Variants in MCTP1 observed in about 807,000 individuals in gnomAD.
MCTP1 encodes multiple C2 and transmembrane domain-containing protein 1.
A neutral mutation model predicts 120.6 loss-of-function variants in MCTP1; 69 were observed. That is an observed-to-expected ratio of 0.57 (90% CI 0.47 to 0.70). MCTP1 has a LOEUF of 0.70. Among genes scored for constraint, MCTP1 ranks in the 30% least tolerant of loss-of-function variants. The probability of loss-of-function intolerance (pLI) is 0.00; values close to 1 mark genes in which losing one functional copy is unlikely to be tolerated. For synonymous variants in MCTP1, 529 were observed against 493.1 expected (o/e 1.07, Z -0.96); for missense variants, 1,203 against 1,248.8 (o/e 0.96, Z 0.55).
intron 7 of MCTP1, among the ~76,000 whole-genome samples, chr5:94,919,500 A>G (rs1810999206): frequency 6.6e-6 from 1 of 152,328 alleles, no homozygotes; most frequent in Non-Finnish European, 1.5e-5. Context: ...TTACCTGTGT[A>G]CAACCTAATC....
intron 1 of MCTP1, among the ~76,000 whole-genome samples, chr5:95,281,359 A>G (rs1188621188): frequency 6.6e-6 from 1 of 152,146 alleles, no homozygotes; most frequent in Non-Finnish European, 1.5e-5. Context: ...CCTCTTTCCC[A>G]TTCAGAGGTG....
chr5:95,244,100 G>A (rs893969903), intron 1 of MCTP1, among the ~76,000 whole-genome samples: 4 of 152,172 alleles, frequency 2.6e-5, no homozygotes, highest in African/African-American at 9.7e-5. Context: ...AGTCTCCTAA[G>A]GATAATGCCT....
intron 19 of MCTP1, 92 bp from the exon 20 acceptor site, chr5:94,714,978 TTAAA>T (rs1307920107): frequency 2.1e-5 from 16 of 753,498 alleles, no homozygotes; most frequent in African/African-American, 3.5e-5. Context: ...ATTTTTAAAC[TTAAA>T]TAAACTTCAT....
At chr5:95,047,655 T>TA (rs1744901424) in intron 1 of MCTP1, among the ~76,000 whole-genome samples, 2 of 152,156 alleles carry the variant, frequency 1.3e-5, no homozygotes, top group Admixed American at 6.5e-5. Context: ...CCTATGAAGT[T>TA]AAAAAATGGT....
intron 17 of MCTP1, among the ~76,000 whole-genome samples, chr5:94,814,756 GA>G (rs559901933): frequency 1.2e-4 from 18 of 147,938 alleles, no homozygotes; most frequent in East Asian, 1.2e-3. Context: ...CATGCAGAAA[GA>G]AAAAAAAAAG....
At chr5:94,949,525 G>A (rs1019902830) in intron 3 of MCTP1, among the ~76,000 whole-genome samples, 7 of 151,658 alleles carry the variant, frequency 4.6e-5, no homozygotes, top group African/African-American at 1.5e-4. Flanking sequence ...TTTATTTTGT[G>A]TAGTTTTTTT....
At chr5:94,719,459 A>G (rs1333749549) in intron 19 of MCTP1, among the ~76,000 whole-genome samples, 2 of 152,252 alleles carry the variant, frequency 1.3e-5, no homozygotes, top group Non-Finnish European at 2.9e-5. Context: ...AATGTGGTAC[A>G]TATATACCAT....
rs148702082 is a variant in MCTP1, at chr5:95,023,655, G to C, written c.721-6171C>G. Among the ~76,000 whole-genome samples, 91 of 152,312 alleles carry C rather than the reference G, an allele frequency of 6.0e-4. 2 individuals carry two copies. In the Middle Eastern group the frequency reaches 0.014, roughly 23 times the overall value. On this transcript the variant is annotated intron_variant, in intron 1 of 22. Transcript: ENST00000515393. ...ATCTCCTTTCAGGCCCACTATAGTGGTTCCAAGAAGAAAATCAGCAGGCTG... is the reference window on the plus strand; with the variant it reads ...ATCTCCTTTCAGGCCCACTATAGTGCTTCCAAGAAGAAAATCAGCAGGCTG...
chr5:95,218,025 G>A (rs1357799464), intron 1 of MCTP1, among the ~76,000 whole-genome samples: 1 of 152,174 alleles, frequency 6.6e-6, no homozygotes, highest in Non-Finnish European at 1.5e-5. Flanking sequence ...CTAGAGGCTT[G>A]GAGATCTAGC....
At chr5:95,013,819 C>T (rs946014942) in intron 2 of MCTP1, among the ~76,000 whole-genome samples, 3 of 152,064 alleles carry the variant, frequency 2.0e-5, no homozygotes, top group Non-Finnish European at 4.4e-5. Context: ...TGCAGCCCAT[C>T]GATCAAGGAG....
chr5:95,028,145 G>A (rs1048109059), intron 1 of MCTP1, among the ~76,000 whole-genome samples: 2 of 152,138 alleles, frequency 1.3e-5, no homozygotes, highest in Non-Finnish European at 2.9e-5. Context: ...CTATGGTTAG[G>A]ATGGCCATGT....
chr5:94,741,505 G>A (rs147361614), intron 19 of MCTP1, among the ~76,000 whole-genome samples: 1 of 152,308 alleles, frequency 6.6e-6, no homozygotes, highest in East Asian at 1.9e-4. Flanking sequence ...ATTCAAGATA[G>A]AGTCCAATAC....
At chr5:94,793,558 A>C (rs1779412255) in intron 18 of MCTP1, 1 of 152,226 alleles carries the variant, frequency 6.6e-6, no homozygotes, top group Admixed American at 6.5e-5. Flanking sequence ...TGGTACTGAG[A>C]TGCAAACACA....
At chr5:94,772,459 C>T (rs1427560842) in intron 19 of MCTP1, among the ~76,000 whole-genome samples, 1 of 152,166 alleles carries the variant, frequency 6.6e-6, no homozygotes, top group Non-Finnish European at 1.5e-5. Flanking sequence ...CACTTCTGAT[C>T]ACATTAGGCC....
At chr5:94,725,279 CTG>C (rs1430884659) in intron 19 of MCTP1, among the ~76,000 whole-genome samples, 1 of 152,220 alleles carries the variant, frequency 6.6e-6, no homozygotes, top group Non-Finnish European at 1.5e-5. Context: ...ATAAAAAGGA[CTG>C]TGAATAGTCT....
chr5:95,036,239 C>T (rs1404192550), intron 1 of MCTP1, among the ~76,000 whole-genome samples: 1 of 152,130 alleles, frequency 6.6e-6, no homozygotes. Context: ...AGATCAAGAC[C>T]AGTCGTATTT....
At chr5:95,216,586 G>A (rs1027636228) in intron 1 of MCTP1, among the ~76,000 whole-genome samples, 9 of 152,166 alleles carry the variant, frequency 5.9e-5, no homozygotes, top group Non-Finnish European at 1.3e-4. Context: ...GCATTCAGAG[G>A]AAATCCCACC....
chr5:94,925,632 A>G (rs1170831540), intron 6 of MCTP1, among the ~76,000 whole-genome samples: 1 of 152,124 alleles, frequency 6.6e-6, no homozygotes, highest in Non-Finnish European at 1.5e-5. Context: ...AATGGTCTCA[A>G]TCTCCTGACC....
intron 5 of MCTP1, among the ~76,000 whole-genome samples, chr5:94,937,417 A>G (rs530385534): frequency 1.3e-5 from 2 of 152,028 alleles, no homozygotes; most frequent in Admixed American, 1.3e-4. Flanking sequence ...GGCTGAAGAG[A>G]TACGATGAAG....
Sources: gnomAD v4.1 joint callset for allele counts (sites outside exome capture counted in the v4.1 genomes callset) on GRCh38, gnomAD v4.1.1 for gene constraint, MANE v1.5 for transcripts, NCBI Gene and HGNC (gene_info 2026-07-23, HGNC 2026-07-21) for gene names.